The following PIK3C2G variants were observed in gnomAD, a reference collection of about 807,000 sequenced individuals.
The protein encoded by PIK3C2G is phosphatidylinositol 3-kinase C2 domain-containing subunit gamma.
In PIK3C2G, 168 loss-of-function variants were observed where a neutral mutation model predicts 181.1. The observed-to-expected ratio is 0.93, with a 90% confidence interval of 0.82 to 1.05. The LOEUF is 1.05. PIK3C2G is among the 50% of genes least tolerant of loss of function. The probability of loss-of-function intolerance (pLI) is 0.00; values close to 1 mark genes in which losing one functional copy is unlikely to be tolerated. For missense variants in PIK3C2G, 1,869 were observed against 1,732.8 expected, an observed-to-expected ratio of 1.08 and a Z score of -1.40; for synonymous variants, 573 against 592.2, an observed-to-expected ratio of 0.97 and a Z score of 0.47.
chr12:18,244,151 T>C (rs1948015083), upstream of PIK3C2G, among the ~76,000 whole-genome samples: 2 of 151,984 alleles, frequency 1.3e-5, no homozygotes, highest in South Asian at 2.1e-4. Flanking sequence ...AGCAAAATAA[T>C]TTTATTCACT....
In PIK3C2G at chr12:18,567,012, T is replaced by G; in HGVS notation, c.3966T>G (p.Asn1322Lys). The G allele has an allele frequency of 6.3e-7, 1 of 1,586,222 alleles. No individual in the cohort carries two copies. The highest frequency in any genetic ancestry group is 8.7e-7 in the Non-Finnish European group (1 of 1,155,420). The stretch of plus-strand genomic sequence containing the variant: ...ATCACAGAAGATTCAGAGATCTAAA[T>G]CATTACATGGAACAGATATTAAATG... ...NSDHRRFRDL[N>K]HYMEQILNVS... The change falls in exon 29 of 33, where the codon AAT becomes AAG. Residue 1322 changes from asparagine (N) to lysine (K), a missense_variant. Coordinates refer to ENST00000538779, the MANE Select transcript of PIK3C2G (RefSeq NM_001288772.2).
At chr12:18,643,049 T>C (rs1237022382) in intron 32 of PIK3C2G, among the ~76,000 whole-genome samples, 2 of 152,094 alleles carry the variant, frequency 1.3e-5, no homozygotes. Context: ...CATAAGCATT[T>C]TCAGTATAAG....
intron 26 of PIK3C2G, among the ~76,000 whole-genome samples, chr12:18,552,007 G>A (rs1040900773): frequency 6.6e-6 from 1 of 152,078 alleles, no homozygotes; most frequent in Non-Finnish European, 1.5e-5. Flanking sequence ...CCCTTTCACA[G>A]AAAAATAGCC....
intron 18 of PIK3C2G, among the ~76,000 whole-genome samples, chr12:18,465,730 ATG>A (rs1472251771): frequency 2.6e-5 from 4 of 151,662 alleles, no homozygotes; most frequent in Non-Finnish European, 5.9e-5. Flanking sequence ...TTGTGTCTAG[ATG>A]TGTTTGAATG....
chr12:18,371,206 C>A lies in PIK3C2G; in HGVS notation c.1775C>A (p.Ser592Ter). 2 of 1,609,110 alleles carry A rather than the reference C, an allele frequency of 1.2e-6. No homozygotes were observed. The highest frequency in any genetic ancestry group is 1.1e-5 in the South Asian group (1 of 90,040). ...ETINFPLEIK[S>*]LPRESMLTVK... is the part of the protein sequence containing the mutation. ...ATCAATTTTCCCCTTGAAATAAAGT[C>A]ACTTCCAAGGGAATCCATGCTCACT... The change falls in exon 13 of 33, where the codon TCA (serine) becomes TAA (stop). Residue 592 changes from serine to a stop codon, truncating the protein, a stop_gained. Coordinates refer to ENST00000538779, the MANE Select transcript of PIK3C2G (RefSeq NM_001288772.2). LOFTEE classifies it high-confidence loss of function.
At chr12:18,510,066 C>G (rs1942107097) in intron 24 of PIK3C2G, among the ~76,000 whole-genome samples, 1 of 152,034 alleles carries the variant, frequency 6.6e-6, no homozygotes, top group Admixed American at 6.6e-5. Flanking sequence ...CCTCCCTGGA[C>G]TCAGGCGATC....
chr12:18,443,239 A>G (rs996416348), intron 18 of PIK3C2G, among the ~76,000 whole-genome samples: 1 of 152,176 alleles, frequency 6.6e-6, no homozygotes, highest in Admixed American at 6.6e-5. Context: ...TAAGAAATAG[A>G]ATTAGCATTC....
intron 7 of PIK3C2G, among the ~76,000 whole-genome samples, chr12:18,324,200 G>C (rs1432006159): frequency 1.3e-5 from 2 of 150,642 alleles, no homozygotes; most frequent in East Asian, 2.0e-4. Context: ...CAGCCTGGGC[G>C]ACAGCGACAC....
At chr12:18,618,752 G>A (rs1235851500) in intron 31 of PIK3C2G, among the ~76,000 whole-genome samples, 18 of 151,952 alleles carry the variant, frequency 1.2e-4, no homozygotes, top group Admixed American at 1.2e-3. Flanking sequence ...GAAATTATTG[G>A]CAAGAAATAA....
In PIK3C2G at chr12:18,303,163, T is replaced by TTTCTTTCTTCTTTC. The variant is rs1565575801; in HGVS notation, c.1034+9149_1034+9150insTCTTTCTTCTTTCT. Among the ~76,000 whole-genome samples, 9 of 144,482 alleles carry TTTCTTTCTTCTTTC rather than the reference T, an allele frequency of 6.2e-5. No homozygotes were observed. The East Asian group carries it at 8.8e-4, about 14-fold the overall frequency. 94.8% of individuals were successfully genotyped at this position (144,482 alleles called of 152,430 possible). A position where few individuals can be genotyped will look rare whatever the true frequency, so the allele number is the denominator to read the frequency against. On this transcript the variant is annotated intron_variant, in intron 5 of 32. Coordinates refer to ENST00000538779, the MANE Select transcript of PIK3C2G (RefSeq NM_001288772.2). ...CTTTTCTTTTCTTTCTTCTTTCTCT[T>TTTCTTTCTTCTTTC]TCTTTCTTTCTCTTTCTCTCTCTTC...
chr12:18,525,369 G>A (rs1384885838), intron 24 of PIK3C2G, among the ~76,000 whole-genome samples: 1 of 151,506 alleles, frequency 6.6e-6, no homozygotes, highest in Admixed American at 6.6e-5. Flanking sequence ...CTCCAACCTG[G>A]GCAACAAAAG....
intron 12 of PIK3C2G, among the ~76,000 whole-genome samples, chr12:18,367,593 T>C (rs1411935631): frequency 6.6e-6 from 1 of 152,132 alleles, no homozygotes; most frequent in Non-Finnish European, 1.5e-5. Context: ...TCACTCTTGT[T>C]GCCCAGGCTA....
At chr12:18,388,741 A>G (rs950999383) in intron 14 of PIK3C2G, among the ~76,000 whole-genome samples, 1 of 152,240 alleles carries the variant, frequency 6.6e-6, no homozygotes, top group African/African-American at 2.4e-5. Flanking sequence ...GTGCCAAGTA[A>G]TGAAGCCATA....
chr12:18,685,642 G>C, the PIK3C2G span: 1 of 516,964 alleles, frequency 1.9e-6, no homozygotes, highest in South Asian at 1.4e-5. Flanking sequence ...CTGGAATAAT[G>C]ACCATATTAC....
intron 18 of PIK3C2G, among the ~76,000 whole-genome samples, chr12:18,466,206 A>C (rs1351066687): frequency 2.0e-5 from 3 of 149,586 alleles, no homozygotes; most frequent in African/African-American, 7.6e-5. Context: ...GCTCTTATTC[A>C]TCTTTTTTAT....
At chr12:18,645,812 T>G (rs1208155699) in intron 32 of PIK3C2G, among the ~76,000 whole-genome samples, 3 of 152,182 alleles carry the variant, frequency 2.0e-5, no homozygotes, top group Non-Finnish European at 4.4e-5. Context: ...ATTGATATGT[T>G]TTTTAAAAAC....
the PIK3C2G span, among the ~76,000 whole-genome samples, chr12:18,658,440 G>A: frequency 3.3e-5 from 5 of 152,068 alleles, no homozygotes; most frequent in Non-Finnish European, 7.4e-5. Flanking sequence ...AGCAGCAGGA[G>A]AGAAGCAAGT....
intron 29 of PIK3C2G, among the ~76,000 whole-genome samples, chr12:18,568,649 C>G (rs1945767245): frequency 6.6e-6 from 1 of 152,054 alleles, no homozygotes; most frequent in African/African-American, 2.4e-5. Flanking sequence ...ATATGTTTTA[C>G]TCAAACTCTG....
chr12:18,570,753 AGAGT>A (rs1945891241), intron 29 of PIK3C2G, among the ~76,000 whole-genome samples: 1 of 150,532 alleles, frequency 6.6e-6, no homozygotes, highest in African/African-American at 2.5e-5. Context: ...GGGTATGAGT[AGAGT>A]GAGTCAAGAA....
Sources: allele counts gnomAD v4.1 joint callset (sites outside exome capture counted in the v4.1 genomes callset), GRCh38; gene constraint gnomAD v4.1.1; transcripts MANE v1.5; gene names NCBI Gene and HGNC (gene_info 2026-07-23, HGNC 2026-07-21).